ZNF264: variants seen among roughly 807,000 people sequenced by gnomAD.
ZNF264 encodes the protein zinc finger protein 264.
In ZNF264, 11 loss-of-function variants were observed where a neutral mutation model predicts 11.2. The observed-to-expected ratio is 0.98, with a 90% CI of 0.62 to 1.63. The LOEUF is 1.63. ZNF264 is among the 40% of genes most tolerant of loss of function. The pLI is 0.00. For missense variants in ZNF264, 752 were observed against 768.1 expected (o/e 0.98, Z 0.25); for synonymous variants, 309 against 279.8 (o/e 1.10, Z -1.04).
chr19:57,201,185 A>G (rs1324955760), intron 2 of ZNF264, among the ~76,000 whole-genome samples: 1 of 151,800 alleles, frequency 6.6e-6, no homozygotes, highest in African/African-American at 2.4e-5. Flanking sequence ...TTAAAAGTTC[A>G]CTTTCTTTTT....
rs2087401520 is a variant in ZNF264 at position 57,219,382 on chromosome 19, C to G, written c.*6401C>G. The G allele has an allele frequency of 6.6e-6, 1 of 152,260 alleles. No homozygotes were observed. The highest frequency in any genetic ancestry group is 1.5e-5 in the Non-Finnish European group (1 of 68,116). 9.4% of individuals were successfully genotyped at this position (152,260 alleles called of 1,614,324 possible). On this transcript the variant is annotated 3_prime_UTR_variant, in exon 4 of 4. Transcript: ENST00000263095. Reference sequence around the variant, plus strand: ...GTATCTGTATTCAAGTCTCTATCCTCATCCCCAAATGGATTTCACCCCGCT... The same window carrying G: ...GTATCTGTATTCAAGTCTCTATCCTGATCCCCAAATGGATTTCACCCCGCT...
intron 3 of ZNF264, among the ~76,000 whole-genome samples, chr19:57,208,602 A>C (rs1306806749): frequency 1.3e-5 from 2 of 152,196 alleles, no homozygotes; most frequent in Non-Finnish European, 2.9e-5. Context: ...AAAAAAAATT[A>C]ATAATAATTT....
chr19:57,200,012 A>G (rs367867786), intron 2 of ZNF264, among the ~76,000 whole-genome samples: 23 of 47,716 alleles, frequency 4.8e-4, no homozygotes, highest in African/African-American at 1.4e-3. Context: ...TAAAAAAAAA[A>G]AAAGAAAAAA....
At chr19:57,201,304 T>C (rs2087251760) in intron 2 of ZNF264, among the ~76,000 whole-genome samples, 1 of 151,924 alleles carries the variant, frequency 6.6e-6, no homozygotes, top group African/African-American at 2.4e-5. Context: ...TGTCCCTGGG[T>C]AGTAAAAAGA....
chr19:57,197,438 TC>T (rs2087219997), intron 2 of ZNF264, among the ~76,000 whole-genome samples: 1 of 151,768 alleles, frequency 6.6e-6, no homozygotes, highest in Admixed American at 6.6e-5. Context: ...TGCTCCAAAA[TC>T]CTAGAGGCCT....
chr19:57,201,234 C>T (rs907797111), intron 2 of ZNF264, among the ~76,000 whole-genome samples: 3 of 148,658 alleles, frequency 2.0e-5, no homozygotes, highest in Non-Finnish European at 2.9e-5. Context: ...TTCTTTTTTT[C>T]GTTATTTCTC....
intron 2 of ZNF264, among the ~76,000 whole-genome samples, chr19:57,203,915 G>A (rs772527308): frequency 3.9e-5 from 6 of 152,052 alleles, no homozygotes; most frequent in Non-Finnish European, 7.4e-5. Context: ...GGCCAGGCGC[G>A]GTTGCTTACG....
chr19:57,203,439 G>A (rs184649968), intron 2 of ZNF264, among the ~76,000 whole-genome samples: 6 of 152,276 alleles, frequency 3.9e-5, no homozygotes, highest in South Asian at 2.1e-4. Flanking sequence ...TCTGAGCAAC[G>A]TCAAGAAAAT....
intron 2 of ZNF264, among the ~76,000 whole-genome samples, chr19:57,202,805 T>C (rs1196920280): frequency 6.6e-6 from 1 of 151,844 alleles, no homozygotes; most frequent in Non-Finnish European, 1.5e-5. Flanking sequence ...AGCAAATTAG[T>C]TGAACCCAAA....
chr19:57,211,467 G>A lies in ZNF264; in HGVS notation c.370G>A (p.Gly124Arg), dbSNP rs2087334683. 6.2e-7 allele frequency: 1 copy of A among 1,614,094 alleles called. No homozygotes were observed. Among genetic ancestry groups the A allele is most frequent in the Non-Finnish European group, 8.5e-7 (1 of 1,180,022 alleles). The change falls in exon 4 of 4, where the codon GGG becomes AGG. Residue 124 changes from glycine to arginine, a missense_variant. Transcript: ENST00000263095. ...TQGNSVDSQL[G>R]QAEDQDGLSE... The stretch of plus-strand genomic sequence containing the variant: ...AGGAAACTCAGTGGACTCACAGTTG[G>A]GGCAAGCCGAGGATCAGGATGGGCT...
chr19:57,192,665 A>G, intron 1 of ZNF264: 1 of 684,086 alleles, frequency 1.5e-6, no homozygotes, highest in Non-Finnish European at 1.8e-6. Flanking sequence ...CCCCAAGTAG[A>G]TGCAGCCCTT....
Position 57,221,790 on chromosome 19 carries a change from G to A in ZNF264, c.*8809G>A, listed in dbSNP as rs960312401. The A allele has an allele frequency of 2.0e-5, 3 of 152,154 alleles. No individual in the cohort carries two copies. In the South Asian group the frequency reaches 6.2e-4, roughly 32 times the overall value. 9.4% of individuals were successfully genotyped at this position (152,154 alleles called of 1,614,324 possible). ...ACGTTATCCCCCTTTCAGCTGGGGG[G>A]AAAAAAAGGCACCGAAAAACAGGGC... On this transcript the variant is annotated 3_prime_UTR_variant, in exon 4 of 4. Coordinates refer to ENST00000263095, the MANE Select transcript of ZNF264 (RefSeq NM_003417.5).
Position 57,216,600 on chromosome 19 carries a change from G to C in ZNF264, c.*3619G>C, listed in dbSNP as rs1568478827. 6.6e-6 allele frequency: 1 copy of C among 152,074 alleles called. No individual in the cohort carries two copies. The highest frequency in any genetic ancestry group is 1.9e-4 in the East Asian group (1 of 5,194). The allele number at this position is 152,074 out of a possible 1,614,324, so 9.4% of individuals were successfully genotyped here. On this transcript the variant is annotated 3_prime_UTR_variant, in exon 4 of 4. Transcript: ENST00000263095. ...TGCATATTTTGATTAATGTTTGCAT[G>C]GTTAATATTTCTTCATTTTATTTTA...
At chr19:57,198,828 A>C (rs533650979) in intron 2 of ZNF264, among the ~76,000 whole-genome samples, 2 of 152,040 alleles carry the variant, frequency 1.3e-5, no homozygotes, top group East Asian at 3.9e-4. Flanking sequence ...GATTAACAGC[A>C]TAAATTGTCA....
At chr19:57,194,166 A>C (rs145619466) in intron 2 of ZNF264, 165 bp downstream of exon 2, 2 of 985,472 alleles carry the variant, frequency 2.0e-6, no homozygotes, top group Non-Finnish European at 2.9e-6. Flanking sequence ...CTGGTCTCCT[A>C]TATCTCTGGG....
At chr19:57,198,218 T>C (rs2087226310) in intron 2 of ZNF264, among the ~76,000 whole-genome samples, 1 of 151,932 alleles carries the variant, frequency 6.6e-6, no homozygotes, top group South Asian at 2.1e-4. Flanking sequence ...AAACCACATC[T>C]GGTATAGCAG....
intron 3 of ZNF264, 27 bp from the exon 4 acceptor site, chr19:57,211,326 GC>G: frequency 1.9e-6 from 3 of 1,560,926 alleles, no homozygotes; most frequent in Non-Finnish European, 2.6e-6. Context: ...TTACTAACAG[GC>G]CCTTTTGTGT....
rs2087421235 is a variant in ZNF264 at position 57,222,062 on chromosome 19, T to C, written c.*9081T>C. 6.6e-6 allele frequency: 1 copy of C among 152,050 alleles called. No homozygotes were observed. The highest frequency in any genetic ancestry group is 6.6e-5 in the Admixed American group (1 of 15,254). 9.4% of individuals were successfully genotyped at this position (152,050 alleles called of 1,614,324 possible). A position where few individuals can be genotyped will look rare whatever the true frequency, so the allele number is the denominator to read the frequency against. On this transcript the variant is annotated 3_prime_UTR_variant, in exon 4 of 4. Transcript: ENST00000263095. Reference sequence around the variant, plus strand: ...TTTGTGGTGAAGGCTTATGTAATGATTGTAATAAATTCAGGTGGCTCACGC... The same window carrying C: ...TTTGTGGTGAAGGCTTATGTAATGACTGTAATAAATTCAGGTGGCTCACGC...
At position 57,216,959 on chromosome 19, in the gene ZNF264, T is replaced by A. The variant is rs1438033507; in HGVS notation, c.*3978T>A. ...ATGGGGTTATGTCACAATAAACCCATTGCAAGTTGAAAATACTATGTCAAA... is the reference window on the plus strand; with the variant it reads ...ATGGGGTTATGTCACAATAAACCCAATGCAAGTTGAAAATACTATGTCAAA... On this transcript the variant is annotated 3_prime_UTR_variant, in exon 4 of 4. Coordinates refer to ENST00000263095, the MANE Select transcript of ZNF264 (RefSeq NM_003417.5). The A allele has an allele frequency of 6.6e-6, 1 of 152,132 alleles. No homozygotes were observed. Among genetic ancestry groups the A allele is most frequent in the African/African-American group, 2.4e-5 (1 of 41,426 alleles). The allele number at this position is 152,132 out of a possible 1,614,324, so 9.4% of individuals were successfully genotyped here.
Sources: gnomAD v4.1 joint callset for allele counts (sites outside exome capture counted in the v4.1 genomes callset) on GRCh38, gnomAD v4.1.1 for gene constraint, MANE v1.5 for transcripts, NCBI Gene and HGNC (gene_info 2026-07-23, HGNC 2026-07-21) for gene names.